The following ANKS1B variants were observed in gnomAD, a reference collection of about 807,000 sequenced individuals.
ANKS1B encodes the protein ankyrin repeat and sterile alpha motif domain containing 1B.
ANKS1B carries 36 observed loss-of-function variants against 148.3 expected under a neutral mutation model. The ratio of observed to expected loss-of-function variants is 0.24; its 90% CI spans 0.19 to 0.32. ANKS1B has a LOEUF of 0.32. ANKS1B is among the 10% of genes least tolerant of loss of function. ANKS1B has a pLI of 1.00. For missense variants in ANKS1B, 1,157 were observed against 1,542.6 expected (o/e 0.75, Z 4.19); for synonymous variants, 542 against 560.8 (o/e 0.97, Z 0.47).
intron 17 of ANKS1B, among the ~76,000 whole-genome samples, chr12:98,862,828 C>T (rs1176011743): frequency 6.6e-6 from 1 of 152,152 alleles, no homozygotes; most frequent in African/African-American, 2.4e-5. Flanking sequence ...ACATTCAGGG[C>T]ACATTTAGAG....
rs149031090 is a variant in ANKS1B, at chr12:98,736,688, G to T, written c.691-1054C>A. Among the ~76,000 whole-genome samples the T allele has an allele frequency of 2.5e-3, 379 of 152,240 alleles. 2 individuals carry two copies. Among genetic ancestry groups the T allele is most frequent in the African/African-American group, 8.5e-3 (354 of 41,542 alleles). ...CAGGGGGCCCCAAGACTGAGTCCAG[G>T]GCAGTCTGGAGATCAGTGGGATGAG... On this transcript the variant is annotated intron_variant, in intron 9 of 9. Transcript: ENST00000341752.
chr12:99,041,167 T>A (rs577871649), intron 17 of ANKS1B, among the ~76,000 whole-genome samples: 152 of 152,224 alleles, frequency 1.0e-3, no homozygotes, highest in Admixed American at 3.4e-3. Flanking sequence ...AAGGGGAAGA[T>A]AAAGGAAGAG....
intron 11 of ANKS1B, among the ~76,000 whole-genome samples, chr12:99,425,675 G>T (rs1055568810): frequency 3.3e-5 from 5 of 151,728 alleles, no homozygotes; most frequent in Non-Finnish European, 5.9e-5. Flanking sequence ...TTGATATTCA[G>T]CGCCATTAAT....
intron 9 of ANKS1B, among the ~76,000 whole-genome samples, chr12:99,543,997 G>A (rs1335269572): frequency 6.6e-6 from 1 of 152,068 alleles, no homozygotes; most frequent in Non-Finnish European, 1.5e-5. Flanking sequence ...AATGAGATAT[G>A]GTAGTTGAAT....
At chr12:99,604,826 A>AG (rs1567456307) in intron 9 of ANKS1B, among the ~76,000 whole-genome samples, 1 of 151,338 alleles carries the variant, frequency 6.6e-6, no homozygotes, top group African/African-American at 2.4e-5. Context: ...AAAAAAAAAA[A>AG]AAAAAAGAAA....
intron 12 of ANKS1B, among the ~76,000 whole-genome samples, chr12:99,386,897 T>C (rs904566396): frequency 3.3e-5 from 5 of 152,210 alleles, no homozygotes; most frequent in African/African-American, 1.2e-4. Context: ...CACCTTACTA[T>C]ATACATAGCA....
At chr12:99,296,042 A>C (rs190060257) in intron 12 of ANKS1B, among the ~76,000 whole-genome samples, 5 of 152,222 alleles carry the variant, frequency 3.3e-5, no homozygotes, top group African/African-American at 1.2e-4. Context: ...GAGTGCTTTT[A>C]TCCTTTTTTT....
At chr12:99,955,647 G>A (rs1307817824) in intron 1 of ANKS1B, among the ~76,000 whole-genome samples, 1 of 151,634 alleles carries the variant, frequency 6.6e-6, no homozygotes, top group Non-Finnish European at 1.5e-5. Context: ...CTCATTATAT[G>A]GTTGCTGGAG....
At chr12:99,572,713 A>G (rs539734739) in intron 9 of ANKS1B, among the ~76,000 whole-genome samples, 1 of 152,202 alleles carries the variant, frequency 6.6e-6, no homozygotes, top group South Asian at 2.1e-4. Context: ...GGTAAAATTC[A>G]GGTAGTAAGC....
chr12:99,047,131 G>A (rs1476227827), intron 17 of ANKS1B, among the ~76,000 whole-genome samples: 1 of 152,168 alleles, frequency 6.6e-6, no homozygotes, highest in Non-Finnish European at 1.5e-5. Context: ...CAGATATGGT[G>A]GCTTACAACT....
At chr12:99,093,467 A>C (rs1336006044) in intron 15 of ANKS1B, 1 of 152,266 alleles carries the variant, frequency 6.6e-6, no homozygotes, top group African/African-American at 2.4e-5. Context: ...CTCAGGGCCA[A>C]CATCGTATTT....
At chr12:99,630,960 C>T (rs572193357) in intron 9 of ANKS1B, among the ~76,000 whole-genome samples, 4 of 152,258 alleles carry the variant, frequency 2.6e-5, no homozygotes, top group African/African-American at 7.2e-5. Context: ...CTTTCCCATG[C>T]TTTTCTCATG....
intron 2 of ANKS1B, among the ~76,000 whole-genome samples, chr12:99,816,854 T>C (rs1244941358): frequency 6.6e-6 from 1 of 151,722 alleles, no homozygotes; most frequent in Non-Finnish European, 1.5e-5. Context: ...ATATCTAAAT[T>C]AGAAGAGCAG....
At chr12:98,958,269 A>G (rs1398298427) in intron 17 of ANKS1B, among the ~76,000 whole-genome samples, 2 of 152,264 alleles carry the variant, frequency 1.3e-5, no homozygotes, top group African/African-American at 2.4e-5. Flanking sequence ...TGAATATGCA[A>G]CAGCACTAAA....
intron 16 of ANKS1B, among the ~76,000 whole-genome samples, chr12:99,077,408 G>A (rs1215420713): frequency 6.6e-6 from 1 of 152,132 alleles, no homozygotes; most frequent in Non-Finnish European, 1.5e-5. Context: ...GTGATGGGAT[G>A]GGAGAATGAA....
At position 98,745,375 on chromosome 12, in the gene ANKS1B, CTTTTTT is replaced by C. The variant is rs71305587; in HGVS notation, c.*358_*363del. 5.6e-5 allele frequency: 51 copies of C among 913,480 alleles called. No homozygotes were observed. Among genetic ancestry groups the C allele is most frequent in the Middle Eastern group, 5.8e-4 (1 of 1,716 alleles). The allele number at this position is 913,480 out of a possible 1,614,324, so 56.6% of individuals were successfully genotyped here. A position where few individuals can be genotyped will look rare whatever the true frequency, so the allele number is the denominator to read the frequency against. On this transcript the variant is annotated 3_prime_UTR_variant, in exon 27 of 27. Transcript: ENST00000683438. ...TAGGCAGTATTAGAGATCCCCTTTA[CTTTTTT>C]TTTTTTTTTTTTTTTTTTAAAGAAA...
intron 1 of ANKS1B, among the ~76,000 whole-genome samples, chr12:99,839,201 C>T (rs1347634317): frequency 1.3e-5 from 2 of 151,996 alleles, no homozygotes; most frequent in African/African-American, 4.8e-5. Context: ...TACAGCAATA[C>T]CTCATCTTTA....
At chr12:99,879,001 C>G (rs2092315828) in intron 1 of ANKS1B, among the ~76,000 whole-genome samples, 1 of 152,002 alleles carries the variant, frequency 6.6e-6, no homozygotes, top group African/African-American at 2.4e-5. Context: ...TGGAGTTTCT[C>G]CTTAATTGAC....
chr12:99,193,793 C>CTTTTTT (rs34024548), intron 14 of ANKS1B, among the ~76,000 whole-genome samples: 11 of 66,836 alleles, frequency 1.6e-4, no homozygotes, highest in Non-Finnish European at 2.4e-4. Context: ...ATTTCTAGTT[C>CTTTTTT]TTTTTTTTTT....
Sources: gnomAD v4.1 joint callset for allele counts (sites outside exome capture counted in the v4.1 genomes callset) on GRCh38, gnomAD v4.1.1 for gene constraint, MANE v1.5 for transcripts, NCBI Gene and HGNC (gene_info 2026-07-23, HGNC 2026-07-21) for gene names.